Variants in KCNIP4 observed in about 807,000 individuals in gnomAD.
KCNIP4 encodes the protein potassium voltage-gated channel interacting protein 4.
Under a neutral mutation model 34.0 loss-of-function variants are expected in KCNIP4, and 12 were observed. That is an observed-to-expected ratio of 0.35 (90% CI 0.23 to 0.57). KCNIP4 has a LOEUF of 0.57. Among genes scored for constraint, KCNIP4 ranks in the 20% least tolerant of loss-of-function variants. KCNIP4 has a pLI of 0.83. For missense variants in KCNIP4, 238 were observed against 311.7 expected, an observed-to-expected ratio of 0.76 and a Z score of 1.78; for synonymous variants, 124 against 102.2, an observed-to-expected ratio of 1.21 and a Z score of -1.29.
chr4:21,294,374 C>G (rs1211501744), intron 1 of KCNIP4, among the ~76,000 whole-genome samples: 2 of 152,198 alleles, frequency 1.3e-5, no homozygotes, highest in East Asian at 3.9e-4. Context: ...AGCCTCACTA[C>G]AACTGTGTCA....
intron 1 of KCNIP4, among the ~76,000 whole-genome samples, chr4:21,494,714 G>A (rs139546595): frequency 0.019 from 2,924 of 150,982 alleles, 93 homozygotes; most frequent in East Asian, 0.12. Flanking sequence ...TGGAGGTTGC[G>A]GTGAGCCAAG....
intron 1 of KCNIP4, among the ~76,000 whole-genome samples, chr4:21,129,484 C>G (rs1399742146): frequency 1.1e-4 from 16 of 152,180 alleles, no homozygotes. Flanking sequence ...TTTCAGAAAA[C>G]AAAACTTCAG....
chr4:21,860,908 T>C (rs867631290), intron 1 of KCNIP4, among the ~76,000 whole-genome samples: 4 of 152,274 alleles, frequency 2.6e-5, no homozygotes, highest in Middle Eastern at 3.4e-3. Context: ...TTCTGAAATT[T>C]TTTTCTTACC....
intron 1 of KCNIP4, among the ~76,000 whole-genome samples, chr4:21,701,149 C>A (rs1303529558): frequency 7.9e-5 from 12 of 151,992 alleles, no homozygotes; most frequent in Admixed American, 7.9e-4. Flanking sequence ...TCAAATAAGC[C>A]AAGCACAGAA....
At chr4:21,495,007 A>G (rs1732739101) in intron 1 of KCNIP4, among the ~76,000 whole-genome samples, 1 of 152,148 alleles carries the variant, frequency 6.6e-6, no homozygotes, top group Non-Finnish European at 1.5e-5. Context: ...CCAAAGAAAT[A>G]CATTAACAAA....
intron 1 of KCNIP4, among the ~76,000 whole-genome samples, chr4:21,101,700 A>T (rs1388765742): frequency 6.6e-6 from 1 of 152,156 alleles, no homozygotes; most frequent in African/African-American, 2.4e-5. Context: ...TATACACTTA[A>T]AACACGTGAG....
intron 1 of KCNIP4, among the ~76,000 whole-genome samples, chr4:21,788,266 T>C (rs1720040342): frequency 6.6e-6 from 1 of 151,772 alleles, no homozygotes; most frequent in Admixed American, 6.6e-5. Context: ...GAGTTGAGAT[T>C]TTTATGGGAA....
At chr4:20,978,354 G>C (rs748811089) in intron 1 of KCNIP4, among the ~76,000 whole-genome samples, 2 of 152,196 alleles carry the variant, frequency 1.3e-5, no homozygotes, top group Admixed American at 6.5e-5. Context: ...GGGATAAATA[G>C]ATATGAACTG....
intron 1 of KCNIP4, among the ~76,000 whole-genome samples, chr4:21,359,525 T>C (rs1312626059): frequency 6.6e-6 from 1 of 152,154 alleles, no homozygotes; most frequent in Non-Finnish European, 1.5e-5. Context: ...TAAGTATTTG[T>C]AAATTTTACA....
chr4:21,732,714 C>T (rs1715699090), intron 1 of KCNIP4, among the ~76,000 whole-genome samples: 1 of 152,152 alleles, frequency 6.6e-6, no homozygotes, highest in South Asian at 2.1e-4. Context: ...TGCCTCAATA[C>T]ATTCGCCTCT....
At chr4:21,917,582 G>A (rs184805051) in intron 1 of KCNIP4, among the ~76,000 whole-genome samples, 12 of 152,116 alleles carry the variant, frequency 7.9e-5, no homozygotes, top group Admixed American at 5.2e-4. Context: ...GAGCTACTAA[G>A]GGGTAGATTG....
chr4:21,412,211 C>A (rs1724570206), intron 1 of KCNIP4, among the ~76,000 whole-genome samples: 1 of 152,126 alleles, frequency 6.6e-6, no homozygotes. Flanking sequence ...TACACACAAC[C>A]AACAGTCATT....
intron 1 of KCNIP4, among the ~76,000 whole-genome samples, chr4:21,296,581 T>G (rs1179960201): frequency 2.6e-5 from 4 of 151,644 alleles, no homozygotes. Context: ...ACAAAGAAAC[T>G]GAAGTACTGA....
Position 21,010,000 on chromosome 4 carries a change from G to C in KCNIP4, c.62-127291C>G, listed in dbSNP as rs145373874. 3.3e-3 allele frequency among the ~76,000 whole-genome samples: 502 copies of C among 152,348 alleles called. 1 individual carries two copies. The highest frequency in any genetic ancestry group is 0.011 in the African/African-American group (470 of 41,584). ...TGGAGATTGGCAAGTCCACAATGAAGATGATGGCCAGTTTAGTCCCTGGTG... is the reference window on the plus strand; with the variant it reads ...TGGAGATTGGCAAGTCCACAATGAACATGATGGCCAGTTTAGTCCCTGGTG... On this transcript the variant is annotated intron_variant, in intron 1 of 8. Coordinates refer to ENST00000382152, the MANE Select transcript of KCNIP4 (RefSeq NM_025221.6).
chr4:21,433,265 C>T (rs758908364), intron 1 of KCNIP4, among the ~76,000 whole-genome samples: 1 of 152,252 alleles, frequency 6.6e-6, no homozygotes, highest in Non-Finnish European at 1.5e-5. Context: ...ATCAAAAGAA[C>T]ATTCCCTAGG....
intron 1 of KCNIP4, among the ~76,000 whole-genome samples, chr4:21,313,618 A>C (rs1713419375): frequency 6.6e-6 from 1 of 152,242 alleles, no homozygotes; most frequent in Non-Finnish European, 1.5e-5. Flanking sequence ...CGTTAGTAGA[A>C]CCACACTGAA....
chr4:21,541,589 A>T (rs1466015313), intron 1 of KCNIP4, among the ~76,000 whole-genome samples: 2 of 152,160 alleles, frequency 1.3e-5, no homozygotes, highest in Admixed American at 6.6e-5. Context: ...TATCCTACCC[A>T]ATAAATTCTA....
At chr4:21,063,046 G>A (rs920031180) in intron 1 of KCNIP4, among the ~76,000 whole-genome samples, 1 of 152,006 alleles carries the variant, frequency 6.6e-6, no homozygotes, top group African/African-American at 2.4e-5. Flanking sequence ...ATAAAAAGGG[G>A]AAATTTGGAC....
At chr4:20,968,616 TG>T (rs1335789486) in intron 1 of KCNIP4, among the ~76,000 whole-genome samples, 1 of 152,128 alleles carries the variant, frequency 6.6e-6, no homozygotes, top group Non-Finnish European at 1.5e-5. Flanking sequence ...GATGAGTTCA[TG>T]TCCTTTGCAG....
Sources: allele counts gnomAD v4.1 joint callset (sites outside exome capture counted in the v4.1 genomes callset), GRCh38; gene constraint gnomAD v4.1.1; transcripts MANE v1.5; gene names NCBI Gene and HGNC (gene_info 2026-07-23, HGNC 2026-07-21).